ZNF461: variants seen among roughly 807,000 people sequenced by gnomAD.
ZNF461 encodes the protein gonadotropin-inducible ovarian transcription factor-1.
ZNF461 carries 16 observed loss-of-function variants against 18.3 expected under a neutral mutation model. The ratio of observed to expected loss-of-function variants is 0.88; its 90% confidence interval spans 0.59 to 1.33. The LOEUF is 1.33. ZNF461 is among the 40% of genes most tolerant of loss of function. ZNF461 has a pLI of 0.00. For synonymous variants in ZNF461, 179 were observed against 216.9 expected, an observed-to-expected ratio of 0.83 and a Z score of 1.54; for missense variants, 595 against 669.9, an observed-to-expected ratio of 0.89 and a Z score of 1.23.
chr19:36,647,947 C>G (rs2037557529), intron 4 of ZNF461, among the ~76,000 whole-genome samples: 1 of 151,812 alleles, frequency 6.6e-6, no homozygotes, highest in South Asian at 2.1e-4. Context: ...TCTGGGAGGC[C>G]GAGGTGGACA....
rs34091845 is a variant in ZNF461, at chr19:36,651,233, GAA to G, written c.232+5213_232+5214del. On this transcript the variant is annotated intron_variant, in intron 4 of 5. Coordinates refer to ENST00000588268, the MANE Select transcript of ZNF461 (RefSeq NM_153257.5). ...GGCACAAAGCGAGACTCCGTCTCAG[GAA>G]AAAAAAAAAAAAAAAAAAAAAATTC... Among the ~76,000 whole-genome samples the G allele has an allele frequency of 1.5e-3, 123 of 82,884 alleles. 1 individual carries two copies. Among genetic ancestry groups the G allele is most frequent in the African/African-American group, 2.5e-3 (52 of 20,418 alleles). 54.4% of individuals were successfully genotyped at this position (82,884 alleles called of 152,430 possible).
At chr19:36,656,642 T>C in intron 3 of ZNF461, 99 bp from the exon 4 acceptor site, 3 of 936,016 alleles carry the variant, frequency 3.2e-6, no homozygotes, top group Admixed American at 2.5e-5. Context: ...CAGATAAAAA[T>C]GGTACTTGAT....
At chr19:36,641,191 A>C (rs1340456511) in intron 5 of ZNF461, among the ~76,000 whole-genome samples, 1 of 152,102 alleles carries the variant, frequency 6.6e-6, no homozygotes, top group East Asian at 1.9e-4. Context: ...GTCCTTCCTG[A>C]AGTACTACTG....
At chr19:36,655,940 T>A (rs1387619222) in intron 4 of ZNF461, among the ~76,000 whole-genome samples, 1 of 152,266 alleles carries the variant, frequency 6.6e-6, no homozygotes, top group African/African-American at 2.4e-5. Context: ...TAAAATAATT[T>A]GACTATTTAT....
At chr19:36,665,679 A>T (rs574027462) in intron 1 of ZNF461, among the ~76,000 whole-genome samples, 1 of 137,552 alleles carries the variant, frequency 7.3e-6, no homozygotes, top group African/African-American at 2.8e-5. Flanking sequence ...ACCGCACTCC[A>T]GCCACGGTGA....
At chr19:36,664,594 A>T in intron 2 of ZNF461, 104 bp downstream of exon 2, 1 of 270,994 alleles carries the variant, frequency 3.7e-6, no homozygotes, top group Non-Finnish European at 5.9e-6. Flanking sequence ...GCTATGTCTC[A>T]AAAAAAAAAA....
intron 2 of ZNF461, among the ~76,000 whole-genome samples, chr19:36,664,029 C>T (rs73612013): frequency 0.04 from 6,162 of 152,178 alleles, 422 homozygotes; most frequent in African/African-American, 0.14. Context: ...AGTAGGTACT[C>T]AATAAATATT....
At chr19:36,664,821 A>T (rs1161176068) in intron 1 of ZNF461, 35 bp from the exon 2 acceptor site, 2 of 751,678 alleles carry the variant, frequency 2.7e-6, no homozygotes, top group Admixed American at 6.2e-5. Context: ...AAGACAGGAG[A>T]TTATTGCCTC....
At chr19:36,649,948 G>A (rs1239288025) in intron 4 of ZNF461, among the ~76,000 whole-genome samples, 1 of 152,100 alleles carries the variant, frequency 6.6e-6, no homozygotes, top group Non-Finnish European at 1.5e-5. Flanking sequence ...AGGCCAAGGT[G>A]GGTGGATCAT....
chr19:36,643,826 A>C lies in ZNF461; in HGVS notation c.269T>G (p.Leu90Trp). 6.5e-7 allele frequency: 1 copy of C among 1,541,594 alleles called. No individual in the cohort carries two copies. The highest frequency in any genetic ancestry group is 1.2e-5 in the South Asian group (1 of 82,122). The change falls in exon 5 of 6, where the codon TTG (leucine) becomes TGG (tryptophan). Residue 90 changes from leucine (L) to tryptophan (W), a missense_variant. Coordinates refer to ENST00000588268, the MANE Select transcript of ZNF461 (RefSeq NM_153257.5). ...TATGTCTGTAGCCTCATTATTGTCC[A>C]AGAAATTATTGTGAAATCCCCAAGT... Reference protein sequence around the residue: ...WKTWGFHNNFLDNNEATDINA... With the variant: ...WKTWGFHNNFWDNNEATDINA...
At chr19:36,648,556 T>A (rs1393021055) in intron 4 of ZNF461, among the ~76,000 whole-genome samples, 1 of 150,732 alleles carries the variant, frequency 6.6e-6, no homozygotes, top group African/African-American at 2.4e-5. Context: ...CATTGTGTGC[T>A]TTTTTGTTTG....
At chr19:36,648,656 T>C (rs958404626) in intron 4 of ZNF461, among the ~76,000 whole-genome samples, 3 of 152,178 alleles carry the variant, frequency 2.0e-5, no homozygotes, top group African/African-American at 7.2e-5. Flanking sequence ...CTCAGCTCAC[T>C]GCAACCTTCG....
chr19:36,652,515 C>A (rs4806337), intron 4 of ZNF461, among the ~76,000 whole-genome samples: 43,667 of 138,194 alleles, frequency 0.32, 7,223 homozygotes, highest in East Asian at 0.58. Context: ...AAAAAAAAAA[C>A]AAAAACTATA....
chr19:36,639,320 A>C lies in ZNF461; in HGVS notation c.1025T>G (p.Phe342Cys). Residue 342 changes from phenylalanine (F) to cysteine (C), a missense_variant, in exon 6 of 6, where the codon TTT (phenylalanine) becomes TGT (cysteine). Phe to Cys is a radical substitution (Grantham distance 205, BLOSUM62 -2). Transcript: ENST00000588268. ...GAGTCGCAGGTGTTCAGTAAGTTGA[A>C]AGCCACGAATAAAAGCCTTCCCACA... ...KQCGKAFIRG[F>C]QLTEHLRLHT... 6.2e-7 allele frequency: 1 copy of C among 1,613,638 alleles called. No homozygotes were observed. The highest frequency in any genetic ancestry group is 8.5e-7 in the Non-Finnish European group (1 of 1,179,916).
At chr19:36,649,119 T>G (rs971035650) in intron 4 of ZNF461, among the ~76,000 whole-genome samples, 1 of 152,108 alleles carries the variant, frequency 6.6e-6, no homozygotes, top group African/African-American at 2.4e-5. Context: ...CTCTGAAACA[T>G]AATAACGAAA....
Position 36,640,052 on chromosome 19 carries a change from T to C in ZNF461, c.302-9A>G, listed in dbSNP as rs545331263. 3.1e-6 allele frequency: 5 copies of C among 1,588,632 alleles called. No homozygotes were observed. The highest frequency in any genetic ancestry group is 1.8e-5 in the Admixed American group (1 of 55,034). ...ATCTCTGGATGCCAAGTCTGAAAGA[T>C]AAGAAATATATTTTAACTCCTGGTT... On this transcript the variant is annotated splice_polypyrimidine_tract_variant and intron_variant, in intron 5 of 5. Transcript: ENST00000588268.
Position 36,658,365 on chromosome 19 carries a change from T to G in ZNF461, c.70A>C (p.Asn24His), listed in dbSNP as rs1048501283. ...TTGTACAAATTCCTCTGCGCTGGGT[T>G]CAGGCATTCCCATTCCTCCTGAGAG... ...DVSQEEWECL[N>H]PAQRNLYKEV... Residue 24 changes from asparagine to histidine, a missense_variant, in exon 3 of 6, where the codon AAC becomes CAC. By Grantham distance (68) the Asn-to-His change is moderately conservative. Transcript: ENST00000588268. The G allele has an allele frequency of 1.2e-6, 2 of 1,611,946 alleles. No homozygotes were observed. Among genetic ancestry groups the G allele is most frequent in the Non-Finnish European group, 1.7e-6 (2 of 1,178,844 alleles).
chr19:36,653,294 A>G (rs929315062), intron 4 of ZNF461, among the ~76,000 whole-genome samples: 6 of 152,226 alleles, frequency 3.9e-5, no homozygotes, highest in Non-Finnish European at 8.8e-5. Flanking sequence ...CATGAATGTA[A>G]AAAACAAAAA....
rs1027141163 is a variant in ZNF461, at chr19:36,664,609, A to G, written c.9+89T>C. 2.9e-6 allele frequency: 3 copies of G among 1,040,116 alleles called. No homozygotes were observed. In the Admixed American group the frequency reaches 8.6e-5, roughly 30 times the overall value. 64.4% of individuals were successfully genotyped at this position (1,040,116 alleles called of 1,614,324 possible). A position where few individuals can be genotyped will look rare whatever the true frequency, so the allele number is the denominator to read the frequency against. On this transcript the variant is annotated intron_variant, in intron 2 of 5. Transcript: ENST00000588268. ...GCTATGTCTCAAAAAAAAAAAAAGC[A>G]AATAGTCACATGCCCTATACAAAAA...
Sources: gnomAD v4.1 joint callset for allele counts (sites outside exome capture counted in the v4.1 genomes callset) on GRCh38, gnomAD v4.1.1 for gene constraint, MANE v1.5 for transcripts, NCBI Gene and HGNC (gene_info 2026-07-23, HGNC 2026-07-21) for gene names.